Variants in PDHX observed in about 807,000 individuals in gnomAD.
PDHX encodes the protein pyruvate dehydrogenase protein X component, mitochondrial.
Under a neutral mutation model 55.3 loss-of-function variants are expected in PDHX, and 33 were observed. The ratio of observed to expected loss-of-function variants is 0.60; its 90% CI spans 0.45 to 0.80. PDHX has a LOEUF of 0.80. PDHX is among the 30% of genes least tolerant of loss of function. The pLI is 0.00. For missense variants in PDHX, 622 were observed against 619.9 expected, an observed-to-expected ratio of 1.00 and a Z score of -0.04; for synonymous variants, 226 against 219.4, an observed-to-expected ratio of 1.03 and a Z score of -0.27.
intron 2 of PDHX, among the ~76,000 whole-genome samples, chr11:34,942,177 G>GT (rs146062275): frequency 0.046 from 7,051 of 152,152 alleles, 509 homozygotes; most frequent in African/African-American, 0.16. Context: ...ATTAATGTTT[G>GT]TTGGATGATC....
intron 3 of PDHX, among the ~76,000 whole-genome samples, chr11:34,948,617 G>A (rs78885728): frequency 0.06 from 7,849 of 130,966 alleles, 272 homozygotes; most frequent in Non-Finnish European, 0.079. Flanking sequence ...TTTTAACTTC[G>A]AATATGTCAA....
At chr11:34,948,838 A>G (rs748763419) in intron 3 of PDHX, among the ~76,000 whole-genome samples, 4 of 152,222 alleles carry the variant, frequency 2.6e-5, no homozygotes, top group Non-Finnish European at 4.4e-5. Context: ...TTGAATTACC[A>G]TGTAATAAAC....
chr11:34,958,670 A>G (rs1403340162), intron 4 of PDHX, among the ~76,000 whole-genome samples: 2 of 152,108 alleles, frequency 1.3e-5, no homozygotes, highest in African/African-American at 4.8e-5. Context: ...ACTCCCATTT[A>G]CTGTCTCCTC....
At chr11:34,933,168 A>G (rs12279553) in intron 2 of PDHX, among the ~76,000 whole-genome samples, 28,811 of 152,196 alleles carry the variant, frequency 0.19, 3,894 homozygotes, top group African/African-American at 0.39. Context: ...GACAATATAC[A>G]TATCTTGCAC....
chr11:34,916,632 G>C lies in PDHX; in HGVS notation c.-24G>C, dbSNP rs760481755. The C allele has an allele frequency of 9.4e-6, 15 of 1,603,452 alleles. No homozygotes were observed. The African/African-American group carries it at 2.0e-4, about 21-fold the overall frequency. On this transcript the variant is annotated 5_prime_UTR_variant, in exon 1 of 11. Transcript: ENST00000227868. ...TGCTGGACATCAGGCTGTGCTGCGGGCAGCCAGTGAGAAGGCCGTCAAGAT... is the reference window on the plus strand; with the variant it reads ...TGCTGGACATCAGGCTGTGCTGCGGCCAGCCAGTGAGAAGGCCGTCAAGAT...
chr11:34,943,614 G>C (rs539027933), intron 2 of PDHX, among the ~76,000 whole-genome samples: 1 of 152,246 alleles, frequency 6.6e-6, no homozygotes, highest in African/African-American at 2.4e-5. Flanking sequence ...TGACACTGTA[G>C]CTTTCTCTAT....
chr11:34,930,856 CT>C (rs1219232652), intron 1 of PDHX, among the ~76,000 whole-genome samples: 2 of 152,168 alleles, frequency 1.3e-5, no homozygotes, highest in African/African-American at 4.8e-5. Flanking sequence ...CAAACGTTTC[CT>C]TTCATACTTA....
At chr11:34,977,603 A>C (rs1055322799) in intron 7 of PDHX, among the ~76,000 whole-genome samples, 78 of 152,100 alleles carry the variant, frequency 5.1e-4, no homozygotes, top group African/African-American at 1.9e-3. Flanking sequence ...AGTAAAAAGA[A>C]ATTTTCGAAC....
At chr11:34,979,625 T>G (rs1855461595) in intron 8 of PDHX, among the ~76,000 whole-genome samples, 1 of 152,178 alleles carries the variant, frequency 6.6e-6, no homozygotes, top group African/African-American at 2.4e-5. Flanking sequence ...TAATTATTCA[T>G]ATAACTTTTC....
At chr11:34,916,394 G>A, upstream of PDHX, 2 of 1,537,624 alleles carry the variant, frequency 1.3e-6, no homozygotes, top group Non-Finnish European at 1.8e-6. Flanking sequence ...GGCGCTGAGG[G>A]CAGCCCGGGG....
In PDHX at chr11:34,916,731, G is replaced by A. The variant is rs1853723746; in HGVS notation, c.76G>A (p.Val26Ile). Residue 26 changes from valine (V) to isoleucine (I), a missense_variant, in exon 1 of 11, where the codon GTA becomes ATA. Physicochemically the swap from Val to Ile is conservative, Grantham distance 29 (BLOSUM62 3). Coordinates refer to ENST00000227868, the MANE Select transcript of PDHX (RefSeq NM_003477.3). The part of the protein sequence containing the change: ...YLVGFPGRRS[V>I]GLVKGALGWS... ...TGTGGGCTTCCCCGGCCGCCGAAGC[G>A]TAGGGCTGGTGAAGGGGGCTCTTGG... The A allele has an allele frequency of 6.2e-7, 1 of 1,613,468 alleles. No individual in the cohort carries two copies. The highest frequency in any genetic ancestry group is 2.2e-5 in the East Asian group (1 of 44,858).
intron 2 of PDHX, among the ~76,000 whole-genome samples, chr11:34,944,799 CTA>C (rs940206528): frequency 1.3e-5 from 2 of 152,048 alleles, no homozygotes; most frequent in African/African-American, 2.4e-5. Context: ...TGTGTTAGGG[CTA>C]TCTCTTGTAA....
chr11:34,956,484 G>T (rs1854908323), intron 3 of PDHX, among the ~76,000 whole-genome samples: 1 of 151,978 alleles, frequency 6.6e-6, no homozygotes, highest in South Asian at 2.1e-4. Flanking sequence ...AATTGAAAGG[G>T]AATAATAGAA....
At chr11:34,962,913 A>C (rs1330345646) in intron 5 of PDHX, among the ~76,000 whole-genome samples, 1 of 152,190 alleles carries the variant, frequency 6.6e-6, no homozygotes, top group Non-Finnish European at 1.5e-5. Context: ...TGAATACCAT[A>C]AGGAAGCAGT....
chr11:34,982,729 C>T (rs61882175), intron 8 of PDHX, among the ~76,000 whole-genome samples: 2 of 151,968 alleles, frequency 1.3e-5, no homozygotes, highest in African/African-American at 2.4e-5. Flanking sequence ...CCAGGAAGAA[C>T]TTGAATCTCT....
chr11:34,975,336 G>A (rs1565166658), intron 7 of PDHX, among the ~76,000 whole-genome samples: 1 of 151,790 alleles, frequency 6.6e-6, no homozygotes, highest in Non-Finnish European at 1.5e-5. Flanking sequence ...GATATCTTCT[G>A]TTCCATGTGG....
intron 4 of PDHX, among the ~76,000 whole-genome samples, chr11:34,959,326 G>A (rs143424435): frequency 6.1e-4 from 93 of 152,134 alleles, no homozygotes; most frequent in Non-Finnish European, 1.0e-3. Context: ...TATGTTCACC[G>A]TCACTAACCA....
At chr11:34,937,763 C>G (rs1854369769) in intron 2 of PDHX, among the ~76,000 whole-genome samples, 1 of 152,172 alleles carries the variant, frequency 6.6e-6, no homozygotes, top group Non-Finnish European at 1.5e-5. Context: ...CTTGCATTTT[C>G]TGGGAACCCA....
intron 2 of PDHX, among the ~76,000 whole-genome samples, chr11:34,932,664 G>A (rs568921209): frequency 1.3e-5 from 2 of 152,288 alleles, no homozygotes; most frequent in South Asian, 4.2e-4. Flanking sequence ...GTAAATACTA[G>A]GGAAGAGAAT....
Sources: allele counts gnomAD v4.1 joint callset (sites outside exome capture counted in the v4.1 genomes callset), GRCh38; gene constraint gnomAD v4.1.1; transcripts MANE v1.5; gene names NCBI Gene and HGNC (gene_info 2026-07-23, HGNC 2026-07-21).